Variants in KIFC3 observed in about 807,000 individuals in gnomAD.
KIFC3 encodes the protein kinesin family member C3.
Under a neutral mutation model 101.8 loss-of-function variants are expected in KIFC3, and 60 were observed. That is an observed-to-expected ratio of 0.59 (90% CI 0.48 to 0.73). The LOEUF (loss-of-function observed/expected upper bound fraction) is 0.73, where lower values mean the gene tolerates loss of function less well. Among genes scored for constraint, KIFC3 ranks in the 30% least tolerant of loss-of-function variants. The pLI is 0.00. For synonymous variants in KIFC3, 476 were observed against 482.7 expected, an observed-to-expected ratio of 0.99 and a Z score of 0.18; for missense variants, 966 against 1,137.1, an observed-to-expected ratio of 0.85 and a Z score of 2.16.
At chr16:57,820,392 A>C (rs2055324171) in intron 1 of KIFC3, among the ~76,000 whole-genome samples, 2 of 152,178 alleles carry the variant, frequency 1.3e-5, no homozygotes, top group Non-Finnish European at 2.9e-5. Context: ...CCCCCACCTC[A>C]GCCTTCTGAG....
chr16:57,758,411 G>A lies in KIFC3; in HGVS notation c.*523C>T, dbSNP rs535148847. On this transcript the variant is annotated 3_prime_UTR_variant, in exon 20 of 20. Transcript: ENST00000445690. ...ACGGCCCCGTGGCGGGAGGCCATGCGCCTCCGCACACCCCCCAGCTGCGGG... is the reference window on the plus strand; with the variant it reads ...ACGGCCCCGTGGCGGGAGGCCATGCACCTCCGCACACCCCCCAGCTGCGGG... The A allele has an allele frequency of 2.8e-6, 1 of 356,472 alleles. No homozygotes were observed. Among genetic ancestry groups the A allele is most frequent in the Non-Finnish European group, 5.5e-6 (1 of 182,338 alleles). 22.1% of individuals were successfully genotyped at this position (356,472 alleles called of 1,614,324 possible).
At chr16:57,843,658 CACAA>C (rs72257042) in intron 1 of KIFC3, among the ~76,000 whole-genome samples, 2,241 of 152,212 alleles carry the variant, frequency 0.015, 75 homozygotes, top group African/African-American at 0.05. Context: ...CAAAATAAGA[CACAA>C]ACAAACAAAA....
intron 1 of KIFC3, among the ~76,000 whole-genome samples, chr16:57,835,455 G>A (rs1203944170): frequency 6.6e-6 from 1 of 152,122 alleles, no homozygotes; most frequent in Non-Finnish European, 1.5e-5. Flanking sequence ...TTCCTGTAGT[G>A]ACCAATATTA....
intron 3 of KIFC3, among the ~76,000 whole-genome samples, chr16:57,788,406 G>A (rs550112261): frequency 4.3e-4 from 66 of 152,342 alleles, no homozygotes; most frequent in Non-Finnish European, 9.0e-4. Context: ...CCCTGAATCC[G>A]GGAGAGGCAG....
At chr16:57,804,185 T>C (rs564859521), upstream of KIFC3, among the ~76,000 whole-genome samples, 1 of 152,318 alleles carries the variant, frequency 6.6e-6, no homozygotes, top group Admixed American at 6.5e-5. Flanking sequence ...TGTAACCATA[T>C]CCCACACACT....
intron 1 of KIFC3, chr16:57,815,353 C>T: frequency 1.0e-6 from 1 of 989,948 alleles, no homozygotes; most frequent in Non-Finnish European, 1.3e-6. Context: ...CTTCTGTTAG[C>T]TCAAGGCCAC....
chr16:57,788,230 G>A (rs782098618), intron 3 of KIFC3, among the ~76,000 whole-genome samples: 7 of 152,212 alleles, frequency 4.6e-5, no homozygotes, highest in Non-Finnish European at 1.0e-4. Flanking sequence ...AGGTGGTGGC[G>A]TCTGTGAGGC....
In KIFC3 at chr16:57,760,743, T is replaced by C. The variant is rs1228241598; in HGVS notation, c.2215A>G (p.Thr739Ala). 1.2e-6 allele frequency: 2 copies of C among 1,613,486 alleles called. No homozygotes were observed. The highest frequency in any genetic ancestry group is 3.3e-5 in the Admixed American group (2 of 59,994). The change falls in exon 16 of 20, where the codon ACC becomes GCC. Residue 739 changes from threonine (T) to alanine (A), a missense_variant. By Grantham distance (58) the Thr-to-Ala change is moderately conservative (BLOSUM62 0). Around this residue, in one of 2 missense-constraint regions of KIFC3, gnomAD observed 689 missense variants for 884.6 expected, o/e 0.78. Transcript: ENST00000445690. ...GTCCTCACCTGTACCACCATGAGGGTCTTGCTGTCACCACTAAGCGAATCC... is the reference window on the plus strand; with the variant it reads ...GTCCTCACCTGTACCACCATGAGGGCCTTGCTGTCACCACTAAGCGAATCC... ...LQDSLSGDSK[T>A]LMVVQVSPVE... is the part of the protein sequence containing the mutation.
At chr16:57,847,473 G>T (rs923341322) in intron 1 of KIFC3, among the ~76,000 whole-genome samples, 3 of 152,188 alleles carry the variant, frequency 2.0e-5, no homozygotes, top group Non-Finnish European at 4.4e-5. Context: ...CATGCAGCTG[G>T]TGTCACAGAG....
rs961502342 is a variant in KIFC3, at chr16:57,759,426, C to T, written c.2477-273G>A. On this transcript the variant is annotated intron_variant, in intron 18 of 19. Transcript: ENST00000445690. The stretch of plus-strand genomic sequence containing the variant: ...CTCTGGAGGGGGCTTACTGCACAGG[C>T]TCAGCCAGCCCATGCTCAGAGAGCA... 5 of 589,156 alleles carry T rather than the reference C, an allele frequency of 8.5e-6. No homozygotes were observed. The Admixed American group carries it at 1.5e-4, about 18-fold the overall frequency. 36.5% of individuals were successfully genotyped at this position (589,156 alleles called of 1,614,324 possible).
chr16:57,772,073 A>T (rs2051309942), intron 4 of KIFC3, 150 bp downstream of exon 4: 1 of 695,494 alleles, frequency 1.4e-6, no homozygotes, highest in African/African-American at 1.8e-5. Flanking sequence ...GGGTACTAGG[A>T]GGTGGGGATA....
At chr16:57,845,414 G>A (rs984314158) in intron 1 of KIFC3, among the ~76,000 whole-genome samples, 3 of 152,152 alleles carry the variant, frequency 2.0e-5, no homozygotes, top group African/African-American at 4.8e-5. Flanking sequence ...GCTCAAAGCC[G>A]TCTGTGGCCC....
chr16:57,853,154 C>CA (rs1245083842), intron 1 of KIFC3, among the ~76,000 whole-genome samples: 9 of 152,132 alleles, frequency 5.9e-5, no homozygotes, highest in African/African-American at 2.2e-4. Flanking sequence ...CGCGGTGGCT[C>CA]ACTCCTGTAA....
upstream of KIFC3, chr16:57,807,944 A>ACAAAC (rs2054976302): frequency 7.5e-6 from 1 of 133,602 alleles, no homozygotes; most frequent in African/African-American, 4.1e-5. Flanking sequence ...AAAAAAAAAA[A>ACAAAC]AAAAAAAAAA....
rs782272190 is a variant in KIFC3, at chr16:57,766,984, A to C, written c.1220T>G (p.Ile407Arg). The C allele has an allele frequency of 6.8e-6, 11 of 1,612,520 alleles. No individual in the cohort carries two copies. Among genetic ancestry groups the C allele is most frequent in the Non-Finnish European group, 9.3e-6 (11 of 1,179,538 alleles). Reference protein sequence around the residue: ...QEALRSVKAEIGQAIEEVNSN... With the variant: ...QEALRSVKAERGQAIEEVNSN... ...GTTGACCTCCTCGATGGCCTGGCCT[A>C]TCTGGTGGGGGGTGCACACCACTGT... The change falls in exon 10 of 20, where the codon ATA becomes AGA. Residue 407 changes from isoleucine (I) to arginine (R), a missense_variant and splice_region_variant. By Grantham distance (97) the Ile-to-Arg change is moderately conservative. Coordinates refer to ENST00000445690, the MANE Select transcript of KIFC3 (RefSeq NM_001130100.2).
intron 13 of KIFC3, 25 bp downstream of exon 13, chr16:57,762,115 G>A (rs1555598343): frequency 1.3e-6 from 2 of 1,572,654 alleles, no homozygotes; most frequent in Non-Finnish European, 1.7e-6. Context: ...CCTGAGGCCT[G>A]CTCCGCACAC....
In KIFC3 at chr16:57,769,809, T is replaced by C; in HGVS notation, c.1086A>G (p.Ala362=). The C allele has an allele frequency of 6.2e-7, 1 of 1,613,358 alleles. No homozygotes were observed. Among genetic ancestry groups the C allele is most frequent in the South Asian group, 1.1e-5 (1 of 91,072 alleles). Residue 362 remains alanine, a splice_region_variant and synonymous_variant, in exon 8 of 20, where the codon GCA becomes GCG. Coordinates refer to ENST00000445690, the MANE Select transcript of KIFC3 (RefSeq NM_001130100.2). The surrounding 1 kb of genome is among the most constrained non-coding windows in gnomAD (Gnocchi z 4.3). Reference sequence around the variant, plus strand: ...ACAGGGCCCAGCTGGTCAGCTCACCTGCTAGATTCTCGTGCACAGCCTTCA... The same window carrying C: ...ACAGGGCCCAGCTGGTCAGCTCACCCGCTAGATTCTCGTGCACAGCCTTCA... ...VEMKAVHENL[A]GVRTNLLTLQ...
At chr16:57,760,520 G>C (rs2049715004) in intron 16 of KIFC3, 104 bp from the exon 17 acceptor site, 7 of 1,397,926 alleles carry the variant, frequency 5.0e-6, no homozygotes, top group Non-Finnish European at 6.9e-6. Context: ...TCCTGGAGAG[G>C]CCTGAGGGAT....
chr16:57,814,194 A>T (rs1259354929), intron 1 of KIFC3, among the ~76,000 whole-genome samples: 1 of 152,004 alleles, frequency 6.6e-6, no homozygotes, highest in Non-Finnish European at 1.5e-5. Context: ...TGAATTTTTC[A>T]TATGCTCCAC....
Sources: allele counts gnomAD v4.1 joint callset (sites outside exome capture counted in the v4.1 genomes callset), GRCh38; gene constraint gnomAD v4.1.1; regional missense constraint gnomAD v4.1.1; non-coding constraint Gnocchi (gnomAD v3.1); transcripts MANE v1.5; gene names NCBI Gene and HGNC (gene_info 2026-07-23, HGNC 2026-07-21).